SDK1: variants seen among roughly 807,000 people sequenced by gnomAD.
The protein encoded by SDK1 is protein sidekick-1.
In SDK1, 157 loss-of-function variants were observed where a neutral mutation model predicts 245.5. The ratio of observed to expected loss-of-function variants is 0.64; its 90% CI spans 0.56 to 0.73. The LOEUF is 0.73. SDK1 is among the 30% of genes least tolerant of loss of function. SDK1 has a pLI of 0.00. For synonymous variants in SDK1, 1,647 were observed against 1,278.5 expected, an observed-to-expected ratio of 1.29 and a Z score of -6.15; for missense variants, 3,583 against 3,002.3, an observed-to-expected ratio of 1.19 and a Z score of -4.52.
At chr7:3,482,101 C>G (rs10499336) in intron 1 of SDK1, among the ~76,000 whole-genome samples, 33,309 of 152,026 alleles carry the variant, frequency 0.22, 3,826 homozygotes, top group South Asian at 0.3. Flanking sequence ...TCCTACCAGA[C>G]ATTGTAAAGC....
At chr7:3,943,153 C>A (rs1197482541) in intron 5 of SDK1, among the ~76,000 whole-genome samples, 1 of 152,166 alleles carries the variant, frequency 6.6e-6, no homozygotes, top group Non-Finnish European at 1.5e-5. Flanking sequence ...CTCCGATATT[C>A]TGGAAAATCC....
chr7:3,561,313 G>A (rs1468721178), intron 1 of SDK1, among the ~76,000 whole-genome samples: 3 of 152,138 alleles, frequency 2.0e-5, no homozygotes, highest in African/African-American at 7.2e-5. Context: ...CCAACTTTTT[G>A]ACAAAAACAC....
chr7:3,473,313 A>G (rs1461772793), intron 1 of SDK1, among the ~76,000 whole-genome samples: 1 of 152,238 alleles, frequency 6.6e-6, no homozygotes, highest in African/African-American at 2.4e-5. Context: ...TGGGGAATCA[A>G]TTAGAAGAAC....
intron 1 of SDK1, among the ~76,000 whole-genome samples, chr7:3,547,954 G>T (rs1326957266): frequency 6.6e-6 from 1 of 152,198 alleles, no homozygotes; most frequent in African/African-American, 2.4e-5. Flanking sequence ...AGCATAGTCA[G>T]TGTCTTTTAA....
intron 4 of SDK1, among the ~76,000 whole-genome samples, chr7:3,751,208 T>G (rs535067011): frequency 6.6e-6 from 1 of 152,248 alleles, no homozygotes; most frequent in African/African-American, 2.4e-5. Context: ...AAACTGACAT[T>G]TTAGCCTGTG....
chr7:4,155,678 A>G (rs1013608949), intron 30 of SDK1, among the ~76,000 whole-genome samples: 1 of 152,160 alleles, frequency 6.6e-6, no homozygotes, highest in Admixed American at 6.5e-5. Flanking sequence ...CAGATACAAC[A>G]CTGGTATTTA....
chr7:3,373,381 T>G (rs1395469175), intron 1 of SDK1, among the ~76,000 whole-genome samples: 1 of 152,196 alleles, frequency 6.6e-6, no homozygotes, highest in East Asian at 1.9e-4. Flanking sequence ...TCTCTGTAAT[T>G]CAAATTATGA....
intron 14 of SDK1, among the ~76,000 whole-genome samples, chr7:3,999,673 T>C (rs1257992932): frequency 1.3e-5 from 2 of 152,242 alleles, no homozygotes; most frequent in East Asian, 3.8e-4. Context: ...CAGAAGGATC[T>C]TTGAGCAGGA....
At chr7:3,446,045 T>C (rs1239923632) in intron 1 of SDK1, among the ~76,000 whole-genome samples, 2 of 152,150 alleles carry the variant, frequency 1.3e-5, no homozygotes, top group African/African-American at 4.8e-5. Flanking sequence ...TGACAGCTCT[T>C]TTCTTTCAGC....
chr7:3,657,748 G>T (rs1179832904), intron 4 of SDK1, among the ~76,000 whole-genome samples: 1 of 152,162 alleles, frequency 6.6e-6, no homozygotes, highest in Non-Finnish European at 1.5e-5. Context: ...AGGCACGTAT[G>T]TTTTTCTTAT....
chr7:4,149,905 G>T (rs1290682226), intron 30 of SDK1, among the ~76,000 whole-genome samples: 1 of 152,144 alleles, frequency 6.6e-6, no homozygotes, highest in Non-Finnish European at 1.5e-5. Context: ...GGAGATGGAT[G>T]GCACCACGAG....
intron 5 of SDK1, among the ~76,000 whole-genome samples, chr7:3,941,274 G>A (rs758694127): frequency 7.9e-5 from 12 of 151,922 alleles, no homozygotes; most frequent in East Asian, 3.9e-4. Flanking sequence ...TTCCCAAACC[G>A]TGTGGTAGGC....
chr7:3,670,499 A>C (rs1269156257), intron 4 of SDK1, among the ~76,000 whole-genome samples: 1 of 152,226 alleles, frequency 6.6e-6, no homozygotes, highest in East Asian at 1.9e-4. Context: ...CCTATGCATC[A>C]GTGTTCTCAT....
chr7:3,530,733 T>C (rs1172336982), intron 1 of SDK1, among the ~76,000 whole-genome samples: 1 of 152,206 alleles, frequency 6.6e-6, no homozygotes, highest in East Asian at 1.9e-4. Context: ...TAGGCCAAGG[T>C]AGCTAAATGC....
At chr7:4,184,227 C>G (rs187481182) in intron 35 of SDK1, among the ~76,000 whole-genome samples, 1 of 152,192 alleles carries the variant, frequency 6.6e-6, no homozygotes, top group Non-Finnish European at 1.5e-5. Context: ...CTCGTGGGCC[C>G]GAAATGCTCA....
At chr7:4,254,221 TTC>T (rs1293962739) in intron 44 of SDK1, among the ~76,000 whole-genome samples, 4 of 152,098 alleles carry the variant, frequency 2.6e-5, no homozygotes, top group Non-Finnish European at 5.9e-5. Flanking sequence ...TTTTGCTTTT[TTC>T]TCTTTCTCCT....
intron 1 of SDK1, among the ~76,000 whole-genome samples, chr7:3,385,372 G>A (rs1453171630): frequency 6.6e-6 from 1 of 151,874 alleles, no homozygotes; most frequent in East Asian, 1.9e-4. Flanking sequence ...CATATATATA[G>A]GGGAAGAAAA....
intron 5 of SDK1, among the ~76,000 whole-genome samples, chr7:3,881,365 G>T (rs368878114): frequency 3.9e-5 from 6 of 152,152 alleles, no homozygotes; most frequent in African/African-American, 1.2e-4. Flanking sequence ...TTGGTTTTCT[G>T]TTCCTGCGTT....
intron 1 of SDK1, among the ~76,000 whole-genome samples, chr7:3,356,748 C>CG (rs1780806267): frequency 6.6e-6 from 1 of 152,014 alleles, no homozygotes; most frequent in African/African-American, 2.4e-5. Flanking sequence ...TCCCTGCGTT[C>CG]TTTTGTACAA....
Sources: allele counts gnomAD v4.1 joint callset (sites outside exome capture counted in the v4.1 genomes callset), GRCh38; gene constraint gnomAD v4.1.1; transcripts MANE v1.5; gene names NCBI Gene and HGNC (gene_info 2026-07-23, HGNC 2026-07-21).